Variants in TFAP2B observed in about 807,000 individuals in gnomAD.
The protein encoded by TFAP2B is transcription factor AP-2-beta.
Under a neutral mutation model 44.3 loss-of-function variants are expected in TFAP2B, and 9 were observed. The ratio of observed to expected loss-of-function variants is 0.20; its 90% CI spans 0.12 to 0.35. TFAP2B has a LOEUF of 0.35. Among genes scored for constraint, TFAP2B ranks in the 10% least tolerant of loss-of-function variants. The pLI is 1.00. For synonymous variants in TFAP2B, 270 were observed against 263.8 expected (o/e 1.02, Z -0.23); for missense variants, 509 against 600.0 (o/e 0.85, Z 1.59).
At chr6:50,825,295 G>T (rs1770471465) in intron 2 of TFAP2B, among the ~76,000 whole-genome samples, 2 of 150,082 alleles carry the variant, frequency 1.3e-5, no homozygotes, top group Admixed American at 6.6e-5. Flanking sequence ...GTATTTAATA[G>T]TTTTTTTTTT....
At chr6:50,828,382 T>C (rs1184843552) in intron 2 of TFAP2B, among the ~76,000 whole-genome samples, 1 of 152,230 alleles carries the variant, frequency 6.6e-6, no homozygotes, top group Non-Finnish European at 1.5e-5. Flanking sequence ...ACTAAACCAA[T>C]GTTGCATCCC....
intron 2 of TFAP2B, 147 bp downstream of exon 2, chr6:50,824,012 C>G (rs944752230): frequency 5.5e-6 from 5 of 907,604 alleles, no homozygotes; most frequent in Non-Finnish European, 8.6e-6. Flanking sequence ...TCATATAGAA[C>G]TGTTTATGTG....
chr6:50,840,115 G>T, intron 5 of TFAP2B, 41 bp from the exon 6 acceptor site: 7 of 1,612,708 alleles, frequency 4.3e-6, no homozygotes, highest in Non-Finnish European at 5.9e-6. Context: ...GATATTTAGG[G>T]CCTGGGTGCT....
Position 50,843,327 on chromosome 6 carries a change from A to G in TFAP2B, c.1318A>G (p.Arg440Gly). The change falls in exon 7 of 7, where the codon AGG (arginine) becomes GGG (glycine). Residue 440 changes from arginine (R) to glycine (G), a missense_variant. Arg to Gly is a moderately radical substitution (Grantham distance 125). This residue lies in a region of TFAP2B where 168 missense variants were observed against 183.2 expected (regional missense o/e 0.92). Transcript: ENST00000393655. Reference protein sequence around the residue: ...KMFLNNTTTNRHTSGEGPGSK... With the variant: ...KMFLNNTTTNGHTSGEGPGSK... ...GTTCTTGAACAACACCACCACTAACAGGCACACGTCTGGGGAAGGCCCAGG... is the reference window on the plus strand; with the variant it reads ...GTTCTTGAACAACACCACCACTAACGGGCACACGTCTGGGGAAGGCCCAGG... The G allele has an allele frequency of 3.7e-6, 6 of 1,614,188 alleles. No homozygotes were observed. Among genetic ancestry groups the G allele is most frequent in the Non-Finnish European group, 4.2e-6 (5 of 1,180,044 alleles).
chr6:50,830,644 A>G (rs879717910), intron 3 of TFAP2B, among the ~76,000 whole-genome samples: 2 of 152,214 alleles, frequency 1.3e-5, no homozygotes, highest in African/African-American at 4.8e-5. Context: ...TTAATATTTG[A>G]CATATTTGCT....
Position 50,840,242 on chromosome 6 carries a change from C to A in TFAP2B, c.1027C>A (p.Gln343Lys). The A allele has an allele frequency of 6.2e-7, 1 of 1,614,146 alleles. No homozygotes were observed. The highest frequency in any genetic ancestry group is 1.3e-5 in the African/African-American group (1 of 75,054). The change falls in exon 6 of 7, where the codon CAG (glutamine) becomes AAG (lysine). Residue 343 changes from glutamine (Q) to lysine (K), a missense_variant. Physicochemically the swap from Gln to Lys is moderately conservative, Grantham distance 53. This residue lies in a region of TFAP2B where 168 missense variants were observed against 183.2 expected (regional missense o/e 0.92). Coordinates refer to ENST00000393655, the MANE Select transcript of TFAP2B (RefSeq NM_003221.4). ...AGCCGTCTCTGAGTATTTGAACCGG[C>A]AGCACACAGACCCGAGTGACCTGCA... The part of the protein sequence containing the change: ...AKAVSEYLNR[Q>K]HTDPSDLHSR...
intron 3 of TFAP2B, chr6:50,830,424 C>A (rs1770642309): frequency 6.8e-6 from 3 of 442,040 alleles, no homozygotes; most frequent in South Asian, 1.9e-4. Context: ...TATTTATGTG[C>A]AAGGTTGTCT....
At chr6:50,822,251 C>T (rs1770373498) in intron 1 of TFAP2B, 1 of 1,098,470 alleles carries the variant, frequency 9.1e-7, no homozygotes, top group Non-Finnish European at 1.2e-6. Flanking sequence ...GTGTGTCTCA[C>T]ACTCTCTGTC....
At position 50,847,136 on chromosome 6, in the gene TFAP2B, A is replaced by G. The variant is rs773737846; in HGVS notation, c.*3744A>G. The stretch of plus-strand genomic sequence containing the variant: ...TTAAACCGTCTGATGTTGCCTCAAG[A>G]GCCCAAACGGCGTTTCCCCACCTTT... On this transcript the variant is annotated 3_prime_UTR_variant, in exon 7 of 7. Transcript: ENST00000393655. 1 of 152,532 alleles carries G rather than the reference A, an allele frequency of 6.6e-6. No homozygotes were observed. The highest frequency in any genetic ancestry group is 1.5e-5 in the Non-Finnish European group (1 of 68,018). 9.4% of individuals were successfully genotyped at this position (152,532 alleles called of 1,614,324 possible). A position where few individuals can be genotyped will look rare whatever the true frequency, so the allele number is the denominator to read the frequency against.
chr6:50,843,143 AG>A lies in TFAP2B; in HGVS notation c.1137del (p.Asn380ThrfsTer54). The part of the protein sequence containing the change: ...DLLAQDRTPI[G>X]NSRPSPILEP... ...TACTGGCGCAGGACCGGACACCGAT[AG>A]GGAACAGCCGACCCAGCCCCATCCT... On this transcript the variant is annotated frameshift_variant, in exon 7 of 7. Coordinates refer to ENST00000393655, the MANE Select transcript of TFAP2B (RefSeq NM_003221.4). LOFTEE classifies it high-confidence loss of function. The A allele has an allele frequency of 1.2e-6, 2 of 1,614,246 alleles. No homozygotes were observed. The highest frequency in any genetic ancestry group is 1.7e-6 in the Non-Finnish European group (2 of 1,180,040).
intron 1 of TFAP2B, chr6:50,822,206 TC>T (rs1171827809): frequency 7.8e-7 from 1 of 1,277,622 alleles, no homozygotes; most frequent in African/African-American, 1.5e-5. Context: ...CTCCCTCCTC[TC>T]ACTGTCTCTC....
chr6:50,838,437 C>A (rs1001679139), intron 5 of TFAP2B, among the ~76,000 whole-genome samples: 5 of 152,194 alleles, frequency 3.3e-5, no homozygotes, highest in African/African-American at 1.2e-4. Context: ...TCATTCTATA[C>A]CCCTTCACCT....
intron 3 of TFAP2B, 29 bp from the exon 4 acceptor site, chr6:50,836,032 C>G: frequency 6.3e-7 from 1 of 1,595,064 alleles, no homozygotes; most frequent in Non-Finnish European, 8.6e-7. Context: ...ACTTGGTCAC[C>G]TTTATGGCAA....
rs957308491 is a variant in TFAP2B, at chr6:50,844,684, G to A, written c.*1292G>A. 4.6e-5 allele frequency: 7 copies of A among 152,602 alleles called. No individual in the cohort carries two copies. The highest frequency in any genetic ancestry group is 1.7e-4 in the African/African-American group (7 of 41,440). The allele number at this position is 152,602 out of a possible 1,614,324, so 9.5% of individuals were successfully genotyped here. A position where few individuals can be genotyped will look rare whatever the true frequency, so the allele number is the denominator to read the frequency against. ...TAAGGGAAAAGAGTAAGGATTCTTA[G>A]AGCCCTATATTCTAATAGTATTGCC... is the stretch of plus-strand genomic sequence containing the variant. On this transcript the variant is annotated 3_prime_UTR_variant, in exon 7 of 7. Transcript: ENST00000393655.
Position 50,843,077 on chromosome 6 carries a change from C to G in TFAP2B, c.1083-15C>G, listed in dbSNP as rs200680708. The G allele has an allele frequency of 1.9e-5, 30 of 1,614,074 alleles. No homozygotes were observed. Among genetic ancestry groups the G allele is most frequent in the Non-Finnish European group, 2.4e-5 (28 of 1,180,036 alleles). On this transcript the variant is annotated splice_polypyrimidine_tract_variant and intron_variant, in intron 6 of 6. Coordinates refer to ENST00000393655, the MANE Select transcript of TFAP2B (RefSeq NM_003221.4). Reference sequence around the variant, plus strand: ...ACTGAGGGTGATTTTCTGTGCCTCGCCCACCCCTTTGCAGGCAACTTTGTA... The same window carrying G: ...ACTGAGGGTGATTTTCTGTGCCTCGGCCACCCCTTTGCAGGCAACTTTGTA...
intron 2 of TFAP2B, among the ~76,000 whole-genome samples, chr6:50,827,568 A>G (rs1770563188): frequency 6.6e-6 from 1 of 152,190 alleles, no homozygotes; most frequent in Non-Finnish European, 1.5e-5. Context: ...GAGTGCTGTG[A>G]AAACAGCTCC....
At chr6:50,836,667 C>T (rs2817398) in intron 4 of TFAP2B, among the ~76,000 whole-genome samples, 1 of 152,136 alleles carries the variant, frequency 6.6e-6, no homozygotes, top group Non-Finnish European at 1.5e-5. Context: ...CCAGCCCCCC[C>T]ACAAAAAACC....
At chr6:50,830,322 T>G in intron 3 of TFAP2B, 4 of 984,676 alleles carry the variant, frequency 4.1e-6, no homozygotes, top group Non-Finnish European at 4.8e-6. Flanking sequence ...TATTTGTAAC[T>G]TAGCTTGCCT....
chr6:50,843,132 C>A lies in TFAP2B; in HGVS notation c.1123C>A (p.Arg375=). 1 of 1,614,238 alleles carries A rather than the reference C, an allele frequency of 6.2e-7. No homozygotes were observed. The highest frequency in any genetic ancestry group is 8.5e-7 in the Non-Finnish European group (1 of 1,180,044). Residue 375 remains arginine, a synonymous_variant, in exon 7 of 7, where the codon CGG becomes AGG. Coordinates refer to ENST00000393655, the MANE Select transcript of TFAP2B (RefSeq NM_003221.4). ...ATTTACGGATCTACTGGCGCAGGAC[C>A]GGACACCGATAGGGAACAGCCGACC... is the stretch of plus-strand genomic sequence containing the variant. ...KEFTDLLAQD[R]TPIGNSRPSP...
Sources: allele counts gnomAD v4.1 joint callset (sites outside exome capture counted in the v4.1 genomes callset), GRCh38; gene constraint gnomAD v4.1.1; regional missense constraint gnomAD v4.1.1; transcripts MANE v1.5; gene names NCBI Gene and HGNC (gene_info 2026-07-23, HGNC 2026-07-21).